The following PHF3 variants were observed in gnomAD, a reference collection of about 807,000 sequenced individuals.
PHF3 encodes the protein PHD finger protein 3.
In PHF3, 41 loss-of-function variants were observed where a neutral mutation model predicts 178.4. The ratio of observed to expected loss-of-function variants is 0.23; its 90% CI spans 0.18 to 0.30. The LOEUF is 0.30. Ranked by LOEUF, PHF3 falls within the 10% of genes least tolerant of loss-of-function variation. The pLI, the probability that PHF3 is intolerant of heterozygous loss-of-function variation, is 1.00. For missense variants in PHF3, 2,346 were observed against 2,398.1 expected (o/e 0.98, Z 0.45); for synonymous variants, 842 against 800.5 (o/e 1.05, Z -0.88).
At chr6:63,691,371 C>T (rs187584367) in intron 4 of PHF3, among the ~76,000 whole-genome samples, 16 of 152,066 alleles carry the variant, frequency 1.1e-4, no homozygotes, top group Admixed American at 9.2e-4. Flanking sequence ...AAATTATTAC[C>T]AAGATCTTAC....
chr6:63,637,834 C>T (rs1421614652), intron 1 of PHF3, among the ~76,000 whole-genome samples: 3 of 152,058 alleles, frequency 2.0e-5, no homozygotes, highest in South Asian at 2.1e-4. Context: ...TAGCTGTACT[C>T]GGTAATTTGT....
chr6:63,648,491 T>C (rs939279809), intron 2 of PHF3, among the ~76,000 whole-genome samples: 4 of 152,208 alleles, frequency 2.6e-5, no homozygotes, highest in African/African-American at 7.2e-5. Context: ...ATTTTACTTA[T>C]AAAATTCCAC....
At chr6:63,639,265 C>T (rs945083836) in intron 1 of PHF3, among the ~76,000 whole-genome samples, 9 of 152,062 alleles carry the variant, frequency 5.9e-5, no homozygotes, top group Non-Finnish European at 1.2e-4. Flanking sequence ...TTTCGAAGAG[C>T]GTGGTAGATT....
At chr6:63,676,995 A>G (rs770178822) in intron 2 of PHF3, among the ~76,000 whole-genome samples, 1 of 152,180 alleles carries the variant, frequency 6.6e-6, no homozygotes, top group Non-Finnish European at 1.5e-5. Flanking sequence ...GGACAGTTCT[A>G]GAGTTTTAGA....
chr6:63,654,394 A>G (rs1765144277), intron 2 of PHF3, among the ~76,000 whole-genome samples: 1 of 152,222 alleles, frequency 6.6e-6, no homozygotes, highest in Non-Finnish European at 1.5e-5. Context: ...AACAAGATGA[A>G]CTGATGAACC....
chr6:63,700,520 A>G, intron 9 of PHF3, 54 bp downstream of exon 9: 4 of 977,406 alleles, frequency 4.1e-6, no homozygotes, highest in Non-Finnish European at 6.5e-6. Flanking sequence ...TTTTTCAGCC[A>G]TTGGGTAAAA....
chr6:63,680,673 A>G (rs1056296312), intron 3 of PHF3, among the ~76,000 whole-genome samples: 4 of 151,936 alleles, frequency 2.6e-5, no homozygotes, highest in Admixed American at 2.6e-4. Context: ...TAAGTGTTTT[A>G]GTTTCTCAGT....
Position 63,713,534 on chromosome 6 carries a change from T to C in PHF3, c.5946T>C (p.Asp1982=). 7 of 1,612,954 alleles carry C rather than the reference T, an allele frequency of 4.3e-6. No individual in the cohort carries two copies. Among genetic ancestry groups the C allele is most frequent in the Non-Finnish European group, 5.9e-6 (7 of 1,179,726 alleles). The change falls in exon 16 of 16, where the codon GAT becomes GAC. Residue 1982 remains aspartate (D), a synonymous_variant. Coordinates refer to ENST00000262043, the MANE Select transcript of PHF3 (RefSeq NM_001370348.2). ...ARLSHGDRGT[D]GKASRDSRNV... ...TATCACATGGTGATCGAGGAACAGA[T>C]GGAAAAGCAAGCAGAGATAGTAGGA...
At position 63,715,187 on chromosome 6, in the gene PHF3, C is replaced by T. The variant is rs1295169222; in HGVS notation, c.*1479C>T. 6.6e-6 allele frequency: 1 copy of T among 152,040 alleles called. No individual in the cohort carries two copies. Among genetic ancestry groups the T allele is most frequent in the East Asian group, 1.9e-4 (1 of 5,200 alleles). The allele number at this position is 152,040 out of a possible 1,614,324, so 9.4% of individuals were successfully genotyped here. A position where few individuals can be genotyped will look rare whatever the true frequency, so the allele number is the denominator to read the frequency against. On this transcript the variant is annotated 3_prime_UTR_variant, in exon 16 of 16. Coordinates refer to ENST00000262043, the MANE Select transcript of PHF3 (RefSeq NM_001370348.2). ...AGAAGGGAGGAAATTCAGAACCAAACATTCTATTTAATTTGCAATGACTTG... is the reference window on the plus strand; with the variant it reads ...AGAAGGGAGGAAATTCAGAACCAAATATTCTATTTAATTTGCAATGACTTG...
At chr6:63,641,316 T>C (rs1420718317) in intron 1 of PHF3, among the ~76,000 whole-genome samples, 2 of 152,184 alleles carry the variant, frequency 1.3e-5, no homozygotes, top group East Asian at 1.9e-4. Flanking sequence ...CTATCATACA[T>C]AGACCAATCC....
intron 2 of PHF3, among the ~76,000 whole-genome samples, chr6:63,661,778 C>T (rs1765475234): frequency 6.6e-6 from 1 of 152,164 alleles, no homozygotes; most frequent in Non-Finnish European, 1.5e-5. Flanking sequence ...CTTTTGTTTT[C>T]TTTTGCCCTA....
chr6:63,684,032 C>A, intron 3 of PHF3, 97 bp from the exon 4 acceptor site: 1 of 946,118 alleles, frequency 1.1e-6, no homozygotes, highest in Non-Finnish European at 1.6e-6. Context: ...CAAATTATAG[C>A]TCAGAATAAA....
Position 63,720,817 on chromosome 6 carries a change from G to T in PHF3, c.*7109G>T, listed in dbSNP as rs1561993439. 6.4e-7 allele frequency: 1 copy of T among 1,551,086 alleles called. No homozygotes were observed. Among genetic ancestry groups the T allele is most frequent in the Admixed American group, 2.0e-5 (1 of 50,938 alleles). On this transcript the variant is annotated 3_prime_UTR_variant, in exon 16 of 16. Transcript: ENST00000262043. ...TTTAGAGCCACAAAGTTTTTATGTG[G>T]ATCAATATCCTCGGAAAGAATTAGA...
chr6:63,708,611 A>T (rs972610796), intron 13 of PHF3, among the ~76,000 whole-genome samples: 1 of 152,206 alleles, frequency 6.6e-6, no homozygotes, highest in African/African-American at 2.4e-5. Context: ...AAAGTTTTAA[A>T]TATTCTTAAT....
chr6:63,693,169 T>G (rs865791821), intron 5 of PHF3, among the ~76,000 whole-genome samples: 2 of 152,330 alleles, frequency 1.3e-5, no homozygotes, highest in South Asian at 4.1e-4. Flanking sequence ...GAGAACAGTT[T>G]ATAGCATGTC....
Position 63,721,151 on chromosome 6 carries a change from C to T in PHF3, c.*7443C>T. On this transcript the variant is annotated 3_prime_UTR_variant, in exon 16 of 16. Transcript: ENST00000262043. ...CAATGTATTTAATGTAAGAATTACC[C>T]ATAAATTTTGCAGTTGAAAATGAAG... 1.9e-6 allele frequency: 3 copies of T among 1,551,440 alleles called. No homozygotes were observed. The highest frequency in any genetic ancestry group is 1.4e-5 in the African/African-American group (1 of 73,142).
At chr6:63,691,104 G>C (rs1417958614) in intron 4 of PHF3, among the ~76,000 whole-genome samples, 1 of 152,112 alleles carries the variant, frequency 6.6e-6, no homozygotes, top group Non-Finnish European at 1.5e-5. Context: ...GAACTTAAAA[G>C]TACAGAAAAA....
rs200327511 is a variant in PHF3, at chr6:63,724,885, TAGC to T, written c.*11180_*11182del. 0.018 allele frequency among the ~76,000 whole-genome samples: 2,739 copies of T among 152,222 alleles called. 40 individuals are homozygous for T. The highest frequency in any genetic ancestry group is 0.035 in the South Asian group (167 of 4,824). On this transcript the variant is annotated 3_prime_UTR_variant, in exon 16 of 16. Transcript: ENST00000262043. ...GTTAGTTTTTACTAATAGGTCCTCT[TAGC>T]AGAGGATCAACTATGAAGACTTGGT...
At chr6:63,669,848 C>T (rs1422835279) in intron 2 of PHF3, among the ~76,000 whole-genome samples, 1 of 152,130 alleles carries the variant, frequency 6.6e-6, no homozygotes. Context: ...TGTTTCAAGG[C>T]TGAATACATA....
Sources: gnomAD v4.1 joint callset for allele counts (sites outside exome capture counted in the v4.1 genomes callset) on GRCh38, gnomAD v4.1.1 for gene constraint, MANE v1.5 for transcripts, NCBI Gene and HGNC (gene_info 2026-07-23, HGNC 2026-07-21) for gene names.